COL21A1: variants seen among roughly 807,000 people sequenced by gnomAD.
The protein encoded by COL21A1 is collagen type XXI alpha 1 chain, also known as collagen alpha-1(XXI) chain.
In COL21A1, 149 loss-of-function variants were observed where a neutral mutation model predicts 137.9. That is an observed-to-expected ratio of 1.08 (90% CI 0.95 to 1.24). The LOEUF (loss-of-function observed/expected upper bound fraction) is 1.24, where lower values mean the gene tolerates loss of function less well. Among genes scored for constraint, COL21A1 ranks in the 50% most tolerant of loss-of-function variants. The pLI is 0.00. For missense variants in COL21A1, 1,167 were observed against 1,158.4 expected (o/e 1.01, Z -0.11); for synonymous variants, 456 against 391.5 (o/e 1.16, Z -1.95).
chr6:56,191,593 A>AAG (rs1778684839), intron 1 of COL21A1, among the ~76,000 whole-genome samples: 1 of 149,362 alleles, frequency 6.7e-6, no homozygotes, highest in Non-Finnish European at 1.5e-5. Flanking sequence ...CTCTATCTCA[A>AAG]AAAAAAAAAA....
chr6:56,130,423 T>A (rs1446182520), intron 12 of COL21A1, among the ~76,000 whole-genome samples: 1 of 151,720 alleles, frequency 6.6e-6, no homozygotes, highest in East Asian at 1.9e-4. Context: ...AGAGCTAGAC[T>A]AAGATATACT....
At chr6:56,181,325 C>T (rs568899782) in intron 2 of COL21A1, among the ~76,000 whole-genome samples, 2 of 152,022 alleles carry the variant, frequency 1.3e-5, no homozygotes, top group South Asian at 2.1e-4. Flanking sequence ...TGCAATTTTT[C>T]TGTTATTTTT....
chr6:56,188,084 G>C (rs143871403), intron 1 of COL21A1, among the ~76,000 whole-genome samples: 117 of 152,228 alleles, frequency 7.7e-4, no homozygotes, highest in African/African-American at 2.6e-3. Flanking sequence ...TAAAACCACA[G>C]TAAGGTATGA....
In COL21A1 at chr6:56,375,033, G is replaced by A. The variant is rs2093996685; in HGVS notation, c.-39+18938C>T. ...AGGAATCCCACCACATGCCTGAGTA[G>A]AGCCTTACATGATGCCAGAACTCTT... On this transcript the variant is annotated intron_variant, in intron 1 of 28. Transcript: ENST00000370819. 2.6e-5 allele frequency among the ~76,000 whole-genome samples: 4 copies of A among 152,264 alleles called. No homozygotes were observed. The Middle Eastern group carries it at 0.014, about 518-fold the overall frequency.
At chr6:56,349,199 G>A (rs982550187) in intron 1 of COL21A1, among the ~76,000 whole-genome samples, 7 of 152,190 alleles carry the variant, frequency 4.6e-5, no homozygotes, top group Non-Finnish European at 8.8e-5. Flanking sequence ...TAAATTTAGT[G>A]AGACGGGAAA....
At chr6:56,064,302 G>T (rs1195782421) in intron 24 of COL21A1, among the ~76,000 whole-genome samples, 4 of 151,986 alleles carry the variant, frequency 2.6e-5, no homozygotes, top group African/African-American at 9.7e-5. Context: ...CAAGAAATGG[G>T]TGGAATTTTC....
At position 56,057,299 on chromosome 6, in the gene COL21A1, A is replaced by G. The variant is rs1174864409; in HGVS notation, c.*358T>C. Reference sequence around the variant, plus strand: ...GAAACATGAAAGTCACATGGACATGAAATTAAACTCAAATCTCTACTGCAT... The same window carrying G: ...GAAACATGAAAGTCACATGGACATGGAATTAAACTCAAATCTCTACTGCAT... On this transcript the variant is annotated 3_prime_UTR_variant, in exon 30 of 30. Transcript: ENST00000244728. 3.5e-6 allele frequency: 1 copy of G among 286,772 alleles called. No individual in the cohort carries two copies. Among genetic ancestry groups the G allele is most frequent in the African/African-American group, 2.4e-5 (1 of 42,512 alleles). The allele number at this position is 286,772 out of a possible 1,614,324, so 17.8% of individuals were successfully genotyped here.
chr6:56,238,377 A>G (rs1582710345), intron 1 of COL21A1, among the ~76,000 whole-genome samples: 1 of 150,252 alleles, frequency 6.7e-6, no homozygotes, highest in South Asian at 2.2e-4. Context: ...CTGCAGAAGC[A>G]TGAAGGCACC....
chr6:56,109,878 C>T (rs1037819462), intron 16 of COL21A1, among the ~76,000 whole-genome samples: 2 of 151,912 alleles, frequency 1.3e-5, no homozygotes, highest in African/African-American at 4.8e-5. Context: ...TCCTTAGACA[C>T]ACAACACACC....
intron 17 of COL21A1, among the ~76,000 whole-genome samples, chr6:56,097,220 A>T (rs1183372625): frequency 2.0e-5 from 3 of 152,106 alleles, no homozygotes; most frequent in Non-Finnish European, 2.9e-5. Flanking sequence ...GAAGTAAAGG[A>T]ACCTCTCCTG....
chr6:56,280,433 T>C (rs1203556974), intron 1 of COL21A1, among the ~76,000 whole-genome samples: 1 of 152,176 alleles, frequency 6.6e-6, no homozygotes, highest in Non-Finnish European at 1.5e-5. Context: ...CTATCACTCA[T>C]GGAGCCTCCA....
intron 3 of COL21A1, among the ~76,000 whole-genome samples, chr6:56,177,396 G>A (rs527866490): frequency 1.3e-5 from 2 of 152,272 alleles, no homozygotes; most frequent in African/African-American, 2.4e-5. Context: ...GAAAAAGCAT[G>A]TGAATTTATC....
intron 1 of COL21A1, among the ~76,000 whole-genome samples, chr6:56,317,415 G>A (rs941564495): frequency 2.6e-5 from 4 of 151,970 alleles, no homozygotes; most frequent in Non-Finnish European, 4.4e-5. Context: ...CTCTTATATT[G>A]CAGTCATCTT....
At chr6:56,064,104 TC>T (rs1341932296) in intron 24 of COL21A1, among the ~76,000 whole-genome samples, 57 of 152,108 alleles carry the variant, frequency 3.7e-4, no homozygotes, top group African/African-American at 1.3e-3. Flanking sequence ...CAACACTGTC[TC>T]TCAGGATAGC....
At chr6:56,285,359 T>C (rs1763881196) in intron 1 of COL21A1, among the ~76,000 whole-genome samples, 2 of 152,214 alleles carry the variant, frequency 1.3e-5, no homozygotes, top group Admixed American at 1.3e-4. Context: ...GATAGGTTCT[T>C]CTTCTTTATT....
intron 1 of COL21A1, among the ~76,000 whole-genome samples, chr6:56,366,678 A>C (rs1438593884): frequency 6.6e-6 from 1 of 152,194 alleles, no homozygotes; most frequent in East Asian, 1.9e-4. Flanking sequence ...AATTAGGTTG[A>C]TGGGATTTGG....
intron 1 of COL21A1, among the ~76,000 whole-genome samples, chr6:56,303,314 C>T (rs561702700): frequency 4.1e-4 from 63 of 152,248 alleles, no homozygotes; most frequent in African/African-American, 1.5e-3. Flanking sequence ...CTATAAATTA[C>T]CTTGGGCAGT....
At chr6:56,333,339 T>C (rs1765272168) in intron 1 of COL21A1, among the ~76,000 whole-genome samples, 1 of 139,620 alleles carries the variant, frequency 7.2e-6, no homozygotes, top group South Asian at 2.7e-4. Flanking sequence ...CTTCCTGTCA[T>C]CATAGATTAC....
chr6:56,075,586 C>A, intron 18 of COL21A1, 54 bp from the exon 19 acceptor site: 1 of 1,288,460 alleles, frequency 7.8e-7, no homozygotes, highest in South Asian at 1.4e-5. Flanking sequence ...CAATTTATTT[C>A]AAGAAAGCTT....
Sources: allele counts gnomAD v4.1 joint callset (sites outside exome capture counted in the v4.1 genomes callset), GRCh38; gene constraint gnomAD v4.1.1; transcripts MANE v1.5; gene names NCBI Gene and HGNC (gene_info 2026-07-23, HGNC 2026-07-21).